EIF5B: variants seen among roughly 807,000 people sequenced by gnomAD.
EIF5B encodes the protein eIF-5B.
EIF5B carries 47 observed loss-of-function variants against 147.5 expected under a neutral mutation model. The ratio of observed to expected loss-of-function variants is 0.32; its 90% CI spans 0.25 to 0.41. The LOEUF (loss-of-function observed/expected upper bound fraction) is 0.41, where lower values mean the gene tolerates loss of function less well. EIF5B is among the 10% of genes least tolerant of loss of function. EIF5B has a pLI of 1.00. For synonymous variants in EIF5B, 455 were observed against 456.2 expected (o/e 1.00, Z 0.03); for missense variants, 1,064 against 1,413.2 (o/e 0.75, Z 3.96).
intron 12 of EIF5B, 85 bp from the exon 13 acceptor site, chr2:99,382,074 G>C: frequency 8.6e-7 from 1 of 1,160,278 alleles, no homozygotes; most frequent in Non-Finnish European, 1.3e-6. Flanking sequence ...GATACTTTCA[G>C]AGTTTTATGG....
At chr2:99,343,355 T>C (rs1574916437) in intron 1 of EIF5B, among the ~76,000 whole-genome samples, 1 of 151,958 alleles carries the variant, frequency 6.6e-6, no homozygotes, top group East Asian at 1.9e-4. Flanking sequence ...CTCTGATTTC[T>C]GTAGTTTGTT....
In EIF5B at chr2:99,396,823, T is replaced by C. The variant is rs756244970; in HGVS notation, c.3318T>C (p.Asp1106=). Residue 1106 remains aspartate, a synonymous_variant, in exon 22 of 24, where the codon GAT becomes GAC. Transcript: ENST00000289371. ...ILPQYIFNSR[D]PIVMGVTVEA... is the part of the protein sequence containing the mutation. ...CTCAGTACATTTTTAATTCTCGAGA[T>C]CCGATAGTGATGGGGGTGACGGTGG... is the stretch of plus-strand genomic sequence containing the variant. 1 of 1,613,768 alleles carries C rather than the reference T, an allele frequency of 6.2e-7. No homozygotes were observed. Among genetic ancestry groups the C allele is most frequent in the South Asian group, 1.1e-5 (1 of 91,028 alleles).
intron 6 of EIF5B, 148 bp downstream of exon 6, chr2:99,364,569 T>C (rs1434103475): frequency 1.6e-5 from 11 of 695,326 alleles, no homozygotes; most frequent in East Asian, 2.6e-5. Context: ...AAGGAATAGG[T>C]GATGTCATTT....
chr2:99,370,698 A>C (rs1674428685), intron 8 of EIF5B, among the ~76,000 whole-genome samples: 1 of 152,222 alleles, frequency 6.6e-6, no homozygotes, highest in African/African-American at 2.4e-5. Context: ...TCAGGGAAGC[A>C]GGTACCACAT....
rs893424579 is a variant in EIF5B at position 99,389,166 on chromosome 2, T to C, written c.2272-552T>C. ...CTAGACTCTGTCCCCAGACAGATTA[T>C]GCTTTTGATTGTTTGTTTGGCTAGC... On this transcript the variant is annotated intron_variant, in intron 14 of 23. Coordinates refer to ENST00000289371, the MANE Select transcript of EIF5B (RefSeq NM_015904.4). 2.0e-5 allele frequency among the ~76,000 whole-genome samples: 3 copies of C among 152,168 alleles called. No homozygotes were observed. In the East Asian group the frequency reaches 5.8e-4, roughly 29 times the overall value.
chr2:99,393,210 G>C, intron 18 of EIF5B, 112 bp downstream of exon 18: 1 of 960,188 alleles, frequency 1.0e-6, no homozygotes, highest in East Asian at 3.0e-5. Flanking sequence ...TGTGAAGCCT[G>C]CCATTTCTTG....
Position 99,361,629 on chromosome 2 carries a change from G to A in EIF5B, c.728G>A (p.Arg243Gln), listed in dbSNP as rs1485513328. 4.4e-6 allele frequency: 7 copies of A among 1,593,200 alleles called. No homozygotes were observed. Among genetic ancestry groups the A allele is most frequent in the Non-Finnish European group, 5.1e-6 (6 of 1,175,160 alleles). ...AEKKERERKKRDEEKAKLRKL... is the reference protein window; with the variant it reads ...AEKKERERKKQDEEKAKLRKL... ...AAGAAGGAGCGCGAGAGAAAAAAGC[G>A]AGATGAAGAAAAAGCGAAACTGCGG... Residue 243 changes from arginine (R) to glutamine (Q), a missense_variant, in exon 4 of 24, where the codon CGA (arginine) becomes CAA (glutamine). Around this residue, in one of 4 missense-constraint regions of EIF5B, gnomAD observed 458 missense variants for 451.3 expected, o/e 1.01. Transcript: ENST00000289371.
At chr2:99,337,633 A>T (rs978550611) in intron 1 of EIF5B, 44 bp downstream of exon 1, 1 of 1,586,406 alleles carries the variant, frequency 6.3e-7, no homozygotes, top group African/African-American at 1.4e-5. Flanking sequence ...GCCGTGGCTC[A>T]GTGGAGTGTG....
At chr2:99,398,570 G>T in intron 22 of EIF5B, 178 bp from the exon 23 acceptor site, 1 of 589,866 alleles carries the variant, frequency 1.7e-6, no homozygotes, top group Admixed American at 3.2e-5. Flanking sequence ...AGGGAATAGG[G>T]TGTTGGTGGT....
At chr2:99,347,809 G>A (rs569264651) in intron 1 of EIF5B, among the ~76,000 whole-genome samples, 17 of 152,084 alleles carry the variant, frequency 1.1e-4, no homozygotes, top group African/African-American at 4.1e-4. Context: ...TTCATCAACC[G>A]GAAACAATTT....
At chr2:99,390,076 TA>T in intron 15 of EIF5B, 142 bp from the exon 16 acceptor site, 1 of 1,093,668 alleles carries the variant, frequency 9.1e-7, no homozygotes, top group East Asian at 2.4e-5. Flanking sequence ...AGTTAATGCT[TA>T]TAGGATATAC....
intron 4 of EIF5B, 77 bp from the exon 5 acceptor site, chr2:99,363,568 G>C (rs555536397): frequency 7.0e-7 from 1 of 1,421,200 alleles, no homozygotes. Flanking sequence ...TCCTTGAATT[G>C]TGGTTGGGTT....
At chr2:99,396,985 T>A (rs570611024) in intron 22 of EIF5B, 87 bp downstream of exon 22, 1 of 1,454,968 alleles carries the variant, frequency 6.9e-7, no homozygotes, top group Non-Finnish European at 9.2e-7. Context: ...TTTGTGCCTG[T>A]AGTTCACAGT....
At chr2:99,396,962 G>GT in intron 22 of EIF5B, 64 bp downstream of exon 22, 2 of 1,531,126 alleles carry the variant, frequency 1.3e-6, no homozygotes, top group Non-Finnish European at 1.8e-6. Flanking sequence ...TCCAAGAGTC[G>GT]TACCAACACA....
intron 17 of EIF5B, among the ~76,000 whole-genome samples, chr2:99,390,942 G>A (rs1674916341): frequency 6.6e-6 from 1 of 152,086 alleles, no homozygotes; most frequent in Non-Finnish European, 1.5e-5. Context: ...ACACTGTTAT[G>A]GTTCTACACT....
At chr2:99,363,474 C>CTGTGAGT (rs1674263410) in intron 4 of EIF5B, among the ~76,000 whole-genome samples, 171 bp from the exon 5 acceptor site, 1 of 152,200 alleles carries the variant, frequency 6.6e-6, no homozygotes, top group Non-Finnish European at 1.5e-5. Context: ...TTATTCTGAG[C>CTGTGAGT]TATTCTAGTT....
At position 99,401,009 on chromosome 2, in the gene EIF5B, T is replaced by C. The variant is rs1046854946; in HGVS notation, c.*1595T>C. 2.9e-5 allele frequency: 9 copies of C among 312,652 alleles called. No individual in the cohort carries two copies. Among genetic ancestry groups the C allele is most frequent in the African/African-American group, 1.5e-4 (7 of 47,462 alleles). The allele number at this position is 312,652 out of a possible 1,614,324, so 19.4% of individuals were successfully genotyped here. On this transcript the variant is annotated 3_prime_UTR_variant, in exon 24 of 24. Coordinates refer to ENST00000289371, the MANE Select transcript of EIF5B (RefSeq NM_015904.4). ...TTCACTGTAAAAATCCATAAAACTTTATAAACAAACATTTTGTAAATAGAA... is the reference window on the plus strand; with the variant it reads ...TTCACTGTAAAAATCCATAAAACTTCATAAACAAACATTTTGTAAATAGAA...
Position 99,393,106 on chromosome 2 carries a change from C to G in EIF5B, c.2880+8C>G. The G allele has an allele frequency of 6.6e-7, 1 of 1,516,030 alleles. No individual in the cohort carries two copies. The highest frequency in any genetic ancestry group is 2.5e-5 in the East Asian group (1 of 40,706). 93.9% of individuals were successfully genotyped at this position (1,516,030 alleles called of 1,614,324 possible). A position where few individuals can be genotyped will look rare whatever the true frequency, so the allele number is the denominator to read the frequency against. On this transcript the variant is annotated splice_region_variant and intron_variant, in intron 18 of 23. Transcript: ENST00000289371. The stretch of plus-strand genomic sequence containing the variant: ...GAAATCCCTGTTCTTAAAGTAAGTT[C>G]ATTTAAAAATTTTTTTCCTTAAAAG...
intron 10 of EIF5B, among the ~76,000 whole-genome samples, chr2:99,378,182 A>G (rs1005191976): frequency 3.9e-5 from 6 of 152,216 alleles, no homozygotes; most frequent in Admixed American, 6.5e-5. Flanking sequence ...TCTAATGTCT[A>G]GTACTAGAAA....
Sources: gnomAD v4.1 joint callset for allele counts (sites outside exome capture counted in the v4.1 genomes callset) on GRCh38, gnomAD v4.1.1 for gene constraint, gnomAD v4.1.1 regional missense constraint, MANE v1.5 for transcripts, NCBI Gene and HGNC (gene_info 2026-07-23, HGNC 2026-07-21) for gene names.